The following PARD3B variants were observed in gnomAD, a reference collection of about 807,000 sequenced individuals.
PARD3B encodes the protein par-3 family cell polarity regulator beta.
PARD3B carries 103 observed loss-of-function variants against 130.2 expected under a neutral mutation model. That is an observed-to-expected ratio of 0.79 (90% CI 0.67 to 0.93). PARD3B has a LOEUF of 0.93. PARD3B is among the 40% of genes least tolerant of loss of function. The pLI is 0.00. For missense variants in PARD3B, 1,609 were observed against 1,499.2 expected (o/e 1.07, Z -1.21); for synonymous variants, 583 against 553.2 (o/e 1.05, Z -0.76).
Position 205,530,246 on chromosome 2 carries a change from CCTAATATG to C in PARD3B, c.3181-23075_3181-23068del, listed in dbSNP as rs1395544587. On this transcript the variant is annotated intron_variant, in intron 21 of 22. Coordinates refer to ENST00000406610, the MANE Select transcript of PARD3B (RefSeq NM_001302769.2). The surrounding 1 kb of genome is among the most constrained non-coding windows in gnomAD (Gnocchi z 4.7). ...GTGAAGTTTGGAGAAAACGTATTAT[CCTAATATG>C]CTTGAGACCTGTCTTTTGCTACCCA... 1.3e-5 allele frequency among the ~76,000 whole-genome samples: 2 copies of C among 152,136 alleles called. No individual in the cohort carries two copies. Among genetic ancestry groups the C allele is most frequent in the Non-Finnish European group, 2.9e-5 (2 of 68,014 alleles).
intron 3 of PARD3B, among the ~76,000 whole-genome samples, chr2:204,970,361 A>G (rs74935128): frequency 0.039 from 5,894 of 152,344 alleles, 161 homozygotes; most frequent in Middle Eastern, 0.065. Context: ...CAAAAAATAA[A>G]TCAGGACAAA....
intron 1 of PARD3B, among the ~76,000 whole-genome samples, chr2:204,649,777 A>T (rs999069602): frequency 1.1e-4 from 16 of 152,236 alleles, no homozygotes; most frequent in African/African-American, 3.9e-4. Context: ...AGATGGATTA[A>T]AGACTTAAAT....
At chr2:205,071,536 T>C (rs1700729376) in intron 4 of PARD3B, among the ~76,000 whole-genome samples, 1 of 152,216 alleles carries the variant, frequency 6.6e-6, no homozygotes, top group Non-Finnish European at 1.5e-5. Context: ...TAATTGCTTC[T>C]CTTTCACCTT....
chr2:205,360,180 G>C (rs11676518), intron 18 of PARD3B, among the ~76,000 whole-genome samples: 90,483 of 151,680 alleles, frequency 0.6, 30,381 homozygotes, highest in South Asian at 0.77. Context: ...GTTTTATATG[G>C]TTGTTAATTC....
intron 15 of PARD3B, among the ~76,000 whole-genome samples, chr2:205,224,650 A>G (rs1020630412): frequency 1.4e-5 from 2 of 146,106 alleles, no homozygotes; most frequent in Non-Finnish European, 3.0e-5. Context: ...TTTAGATCCC[A>G]CAAAAAAAGT....
chr2:205,192,942 T>A (rs1221979820), intron 14 of PARD3B, among the ~76,000 whole-genome samples: 2 of 152,146 alleles, frequency 1.3e-5, no homozygotes, highest in African/African-American at 2.4e-5. Flanking sequence ...TACAGCAGGA[T>A]CCCAATTAGC....
intron 1 of PARD3B, among the ~76,000 whole-genome samples, chr2:204,651,116 A>G (rs1370688405): frequency 4.6e-5 from 7 of 152,200 alleles, no homozygotes; most frequent in Non-Finnish European, 7.3e-5. Flanking sequence ...GCCAAATCTC[A>G]TGTCCTTCTC....
intron 1 of PARD3B, among the ~76,000 whole-genome samples, chr2:204,642,884 C>T (rs556377919): frequency 7.9e-5 from 12 of 151,194 alleles, no homozygotes; most frequent in South Asian, 2.1e-4. Flanking sequence ...GAGGCCGAGG[C>T]GGGTGGATCA....
rs1220934679 is a variant in PARD3B, at chr2:205,589,991, C to T, written c.3261-25465C>T. On this transcript the variant is annotated intron_variant, in intron 22 of 22. Transcript: ENST00000406610. This position sits in a 1 kb window ranked among gnomAD's most constrained non-coding sequence, Gnocchi z 4.1. ...GCATAAGCTGCAACAAAGCTTTTCT[C>T]CCCCAAGGTGGTTTCCAAAGTGAAT... Among the ~76,000 whole-genome samples the T allele has an allele frequency of 6.6e-6, 1 of 152,098 alleles. No individual in the cohort carries two copies. Among genetic ancestry groups the T allele is most frequent in the Non-Finnish European group, 1.5e-5 (1 of 68,022 alleles).
chr2:205,083,384 A>G (rs1701550425), intron 4 of PARD3B, among the ~76,000 whole-genome samples: 1 of 151,854 alleles, frequency 6.6e-6, no homozygotes, highest in Non-Finnish European at 1.5e-5. Flanking sequence ...AAATTCATCT[A>G]GTCTTAAACT....
At chr2:204,705,040 A>T (rs766185660) in intron 2 of PARD3B, among the ~76,000 whole-genome samples, 1 of 152,180 alleles carries the variant, frequency 6.6e-6, no homozygotes, top group Non-Finnish European at 1.5e-5. Context: ...GGCACAAAAG[A>T]AGGAAGAAAA....
intron 2 of PARD3B, among the ~76,000 whole-genome samples, chr2:204,842,825 A>T (rs552802290): frequency 3.3e-5 from 5 of 152,120 alleles, no homozygotes; most frequent in Non-Finnish European, 7.3e-5. Flanking sequence ...GAGCTGAGTC[A>T]CTGAGGACTG....
intron 18 of PARD3B, among the ~76,000 whole-genome samples, chr2:205,390,678 G>C (rs1203098174): frequency 1.3e-5 from 2 of 152,102 alleles, no homozygotes; most frequent in African/African-American, 4.8e-5. Context: ...AGATGGAACA[G>C]TAGGATTCAG....
intron 21 of PARD3B, among the ~76,000 whole-genome samples, chr2:205,512,373 C>T (rs898805283): frequency 6.6e-6 from 1 of 152,142 alleles, no homozygotes; most frequent in African/African-American, 2.4e-5. Context: ...CTGTTATAAA[C>T]CACTGAGAAA....
At chr2:204,832,563 A>G (rs1413429453) in intron 2 of PARD3B, among the ~76,000 whole-genome samples, 1 of 152,226 alleles carries the variant, frequency 6.6e-6, no homozygotes, top group African/African-American at 2.4e-5. Flanking sequence ...AAATCATGCC[A>G]TACTTAGGAA....
At chr2:204,847,507 G>T (rs1290021016) in intron 2 of PARD3B, among the ~76,000 whole-genome samples, 2 of 152,120 alleles carry the variant, frequency 1.3e-5, no homozygotes, top group Admixed American at 1.3e-4. Context: ...AATATGAACT[G>T]AAAAATTCCA....
At position 205,309,195 on chromosome 2, in the gene PARD3B, C is replaced by T. The variant is rs1036250543; in HGVS notation, c.2630+7494C>T. Among the ~76,000 whole-genome samples the T allele has an allele frequency of 6.6e-6, 1 of 152,200 alleles. No homozygotes were observed. Among genetic ancestry groups the T allele is most frequent in the Non-Finnish European group, 1.5e-5 (1 of 68,034 alleles). ...ACAAAACCCTAGGATACCTGCAGTA[C>T]ACATTCTAAGACAGGTGGGCATTAA... On this transcript the variant is annotated intron_variant, in intron 18 of 22. Transcript: ENST00000406610. The surrounding 1 kb of genome is among the most constrained non-coding windows in gnomAD (Gnocchi z 4.7).
chr2:204,666,547 G>T (rs913886008), intron 1 of PARD3B, among the ~76,000 whole-genome samples: 2 of 152,080 alleles, frequency 1.3e-5, no homozygotes, highest in African/African-American at 4.8e-5. Context: ...TGGTTAACTT[G>T]GCCCAGAGAG....
In PARD3B at chr2:205,184,926, A is replaced by G. The variant is rs1398320144; in HGVS notation, c.1925-838A>G. On this transcript the variant is annotated intron_variant, in intron 13 of 22. Transcript: ENST00000406610. ...ACAGCAGTAGGGTTGGAAACATGGC[A>G]GTCTTGCTCCAAAAACCATGCACTT... Among the ~76,000 whole-genome samples, 10 of 152,310 alleles carry G rather than the reference A, an allele frequency of 6.6e-5. No individual in the cohort carries two copies. The South Asian group carries it at 1.7e-3, about 25-fold the overall frequency.
Sources: allele counts gnomAD v4.1 joint callset (sites outside exome capture counted in the v4.1 genomes callset), GRCh38; gene constraint gnomAD v4.1.1; non-coding constraint Gnocchi (gnomAD v3.1); transcripts MANE v1.5; gene names NCBI Gene and HGNC (gene_info 2026-07-23, HGNC 2026-07-21).